RFESD: variants seen among roughly 807,000 people sequenced by gnomAD.
RFESD encodes Rieske Fe-S domain containing.
RFESD carries 16 observed loss-of-function variants against 24.4 expected under a neutral mutation model. That is an observed-to-expected ratio of 0.66 (90% CI 0.44 to 1.00). The LOEUF (loss-of-function observed/expected upper bound fraction) is 1.00. Ranked by LOEUF, RFESD falls within the 50% of genes least tolerant of loss-of-function variation. The pLI, the probability that RFESD is intolerant of heterozygous loss-of-function variation, is 0.00. For missense variants in RFESD, 208 were observed against 247.0 expected (o/e 0.84, Z 1.06); for synonymous variants, 59 against 81.8 (o/e 0.72, Z 1.50).
intron 1 of RFESD, among the ~76,000 whole-genome samples, chr5:95,648,348 C>A (rs531369946): frequency 3.9e-4 from 59 of 152,260 alleles, no homozygotes; most frequent in African/African-American, 1.4e-3. Context: ...AGCCGTCAAA[C>A]TGTATGAGTT....
chr5:95,656,260 C>A lies in RFESD; in HGVS notation c.584C>A (p.Ser195Tyr). 1.9e-6 allele frequency: 3 copies of A among 1,613,260 alleles called. No individual in the cohort carries two copies. In the South Asian group the frequency reaches 3.3e-5, roughly 18 times the overall value. ...TLSNEPFKCD[S>Y]DFYATGDFKV... ...TCTAATGAACCTTTTAAGTGTGACT[C>A]TGATTTTTATGCCACTGGAGACTTC... Residue 195 changes from serine to tyrosine, a missense_variant, in exon 6 of 6, where the codon TCT becomes TAT. Transcript: ENST00000380005.
chr5:95,648,892 C>CTT (rs35016122), intron 1 of RFESD, among the ~76,000 whole-genome samples: 966 of 72,364 alleles, frequency 0.013, 18 homozygotes, highest in African/African-American at 0.028. Flanking sequence ...GATAGTAGTG[C>CTT]TTTTTTTTTT....
Position 95,656,593 on chromosome 5 carries a change from C to A in RFESD, c.*284C>A. On this transcript the variant is annotated 3_prime_UTR_variant, in exon 6 of 6. Coordinates refer to ENST00000380005, the MANE Select transcript of RFESD (RefSeq NM_001131066.2). ...AGGATAAAAATAAATTTGGAGTAAA[C>A]AAATAATAGGTAAAAATTAAGGATT... 9.5e-6 allele frequency: 2 copies of A among 209,794 alleles called. No individual in the cohort carries two copies. The highest frequency in any genetic ancestry group is 1.9e-5 in the Non-Finnish European group (2 of 107,176). The allele number at this position is 209,794 out of a possible 1,614,324, so 13.0% of individuals were successfully genotyped here.
Position 95,654,101 on chromosome 5 carries a change from G to A in RFESD, c.199G>A (p.Glu67Lys), listed in dbSNP as rs1384092534. The A allele has an allele frequency of 6.2e-7, 1 of 1,611,792 alleles. No individual in the cohort carries two copies. The highest frequency in any genetic ancestry group is 2.2e-5 in the East Asian group (1 of 44,828). Residue 67 changes from glutamate (E) to lysine (K), a missense_variant, in exon 4 of 6, where the codon GAA becomes AAA. Transcript: ENST00000380005. ...CTCTGCACAAGATCCTGAAAAGAGG[G>A]AATATTCTTCTGTGTGTGTGGGCAG... ...DGSAQDPEKR[E>K]YSSVCVGRED...
intron 1 of RFESD, among the ~76,000 whole-genome samples, chr5:95,650,062 A>G (rs941623301): frequency 6.6e-6 from 1 of 152,224 alleles, no homozygotes; most frequent in African/African-American, 2.4e-5. Context: ...ATAAAACCAG[A>G]TGACCATTCA....
chr5:95,649,463 A>G (rs1386250533), intron 1 of RFESD, among the ~76,000 whole-genome samples: 1 of 152,116 alleles, frequency 6.6e-6, no homozygotes, highest in African/African-American at 2.4e-5. Flanking sequence ...ATTCTTGTGT[A>G]TGTTTCCTGG....
chr5:95,648,411 A>G (rs1750189572), intron 1 of RFESD, among the ~76,000 whole-genome samples: 1 of 152,198 alleles, frequency 6.6e-6, no homozygotes, highest in Non-Finnish European at 1.5e-5. Flanking sequence ...AAGTAGACTT[A>G]AAATCGAAAC....
Position 95,649,846 on chromosome 5 carries a change from T to C in RFESD, c.-135-2291T>C, listed in dbSNP as rs905165377. 6.6e-5 allele frequency among the ~76,000 whole-genome samples: 10 copies of C among 152,376 alleles called. No individual in the cohort carries two copies. The East Asian group carries it at 1.3e-3, about 21-fold the overall frequency. On this transcript the variant is annotated intron_variant, in intron 1 of 5. Coordinates refer to ENST00000380005, the MANE Select transcript of RFESD (RefSeq NM_001131066.2). ...ATTCTGAATCTCAAGAGTTTGTCAG[T>C]TATATGTATTGCAAATTCCACATTT...
At position 95,654,068 on chromosome 5, in the gene RFESD, C is replaced by T; in HGVS notation, c.166C>T (p.Leu56Phe). 1 of 1,607,550 alleles carries T rather than the reference C, an allele frequency of 6.2e-7. No individual in the cohort carries two copies. ...TTCTTTATGTTCAACTAGCATGAAT[C>T]TTGATGGCTCTGCACAAGATCCTGA... ...SVTSFYLSMNLDGSAQDPEKR... is the reference protein window; with the variant it reads ...SVTSFYLSMNFDGSAQDPEKR... Residue 56 changes from leucine to phenylalanine, a missense_variant, in exon 4 of 6, where the codon CTT becomes TTT. Transcript: ENST00000380005.
chr5:95,656,329 A>G lies in RFESD; in HGVS notation c.*20A>G, dbSNP rs1179827356. 6.3e-7 allele frequency: 1 copy of G among 1,576,128 alleles called. No homozygotes were observed. The highest frequency in any genetic ancestry group is 2.2e-5 in the East Asian group (1 of 44,654). ...TCCTGATAAAAAATATATAGAAATG[A>G]AAAATGTTGTGTATGCTTGAAAACA... On this transcript the variant is annotated 3_prime_UTR_variant, in exon 6 of 6. Transcript: ENST00000380005.
At position 95,657,062 on chromosome 5, in the gene RFESD, G is replaced by C. The variant is rs1406632778; in HGVS notation, c.*753G>C. The C allele has an allele frequency of 6.6e-6, 1 of 152,116 alleles. No individual in the cohort carries two copies. Among genetic ancestry groups the C allele is most frequent in the Non-Finnish European group, 1.5e-5 (1 of 68,000 alleles). 9.4% of individuals were successfully genotyped at this position (152,116 alleles called of 1,614,324 possible). On this transcript the variant is annotated 3_prime_UTR_variant, in exon 6 of 6. Coordinates refer to ENST00000380005, the MANE Select transcript of RFESD (RefSeq NM_001131066.2). ...ACACAGCTGCTGCCCAGCCATGAGAGATGTAAAGTCTCCTATTCAGTGAGC... is the reference window on the plus strand; with the variant it reads ...ACACAGCTGCTGCCCAGCCATGAGACATGTAAAGTCTCCTATTCAGTGAGC...
At chr5:95,650,897 G>C (rs1296253570) in intron 1 of RFESD, among the ~76,000 whole-genome samples, 1 of 152,106 alleles carries the variant, frequency 6.6e-6, no homozygotes, top group Non-Finnish European at 1.5e-5. Flanking sequence ...AGGAGATCGA[G>C]ACCATTCTGG....
intron 1 of RFESD, among the ~76,000 whole-genome samples, chr5:95,650,934 TAA>T (rs1221988882): frequency 6.6e-6 from 1 of 151,904 alleles, no homozygotes; most frequent in African/African-American, 2.4e-5. Flanking sequence ...CCATCTCTAC[TAA>T]AAATACAAAA....
chr5:95,651,770 C>G (rs1750353743), intron 1 of RFESD, among the ~76,000 whole-genome samples: 1 of 152,122 alleles, frequency 6.6e-6, no homozygotes, highest in Non-Finnish European at 1.5e-5. Context: ...TGAGATATTT[C>G]TTAGTCTTGA....
intron 5 of RFESD, 36 bp downstream of exon 5, chr5:95,654,403 CAAAT>C (rs775354222): frequency 1.2e-5 from 16 of 1,342,582 alleles, no homozygotes; most frequent in South Asian, 5.1e-5. Context: ...GCAAATTCAG[CAAAT>C]AAATATATTC....
intron 5 of RFESD, 140 bp from the exon 6 acceptor site, chr5:95,655,906 T>G: frequency 4.3e-6 from 3 of 705,716 alleles, no homozygotes; most frequent in Non-Finnish European, 2.3e-6. Context: ...ATCTGCTTTA[T>G]GCTGAATAAT....
chr5:95,649,854 A>G (rs1750237831), intron 1 of RFESD, among the ~76,000 whole-genome samples: 1 of 152,152 alleles, frequency 6.6e-6, no homozygotes, highest in Non-Finnish European at 1.5e-5. Flanking sequence ...AGTTATATGT[A>G]TTGCAAATTC....
In RFESD at chr5:95,654,137, AT is replaced by A. The variant is rs780233697; in HGVS notation, c.237del (p.Lys81AsnfsTer5). 19 of 1,612,316 alleles carry A rather than the reference AT, an allele frequency of 1.2e-5. No homozygotes were observed. Among genetic ancestry groups the A allele is most frequent in the Admixed American group, 1.7e-5 (1 of 60,018 alleles). ...SSVCVGREDD[I>X]KKSERMTAVV... ...TGTGTGTGTGGGCAGAGAAGATGACATTAAAAAATCTGAAAGAATGACAGCT... is the reference window on the plus strand; with the variant it reads ...TGTGTGTGTGGGCAGAGAAGATGACATAAAAAATCTGAAAGAATGACAGCT... On this transcript the variant is annotated frameshift_variant, in exon 4 of 6. Transcript: ENST00000380005. LOFTEE classifies it high-confidence loss of function.
At chr5:95,653,576 G>A (rs1329063282) in intron 3 of RFESD, among the ~76,000 whole-genome samples, 4 of 152,170 alleles carry the variant, frequency 2.6e-5, no homozygotes, top group East Asian at 3.8e-4. Context: ...AGTCTCTAAC[G>A]CAAAGTAATG....
Sources: gnomAD v4.1 joint callset for allele counts (sites outside exome capture counted in the v4.1 genomes callset) on GRCh38, gnomAD v4.1.1 for gene constraint, MANE v1.5 for transcripts, NCBI Gene and HGNC (gene_info 2026-07-23, HGNC 2026-07-21) for gene names.